Variants in HMGCLL1 observed in about 807,000 individuals in gnomAD.
HMGCLL1 encodes the protein 3-hydroxy-3-methylglutaryl-CoA lyase like 1, also known as 3-hydroxymethyl-3-methylglutaryl-CoA lyase, cytoplasmic.
A neutral mutation model predicts 39.1 loss-of-function variants in HMGCLL1; 36 were observed. That is an observed-to-expected ratio of 0.92 (90% confidence interval 0.71 to 1.22). The LOEUF (loss-of-function observed/expected upper bound fraction) is 1.22. Ranked by LOEUF, HMGCLL1 falls within the 50% of genes most tolerant of loss-of-function variation. The pLI, the probability that HMGCLL1 is intolerant of heterozygous loss-of-function variation, is 0.00. For missense variants in HMGCLL1, 451 were observed against 416.5 expected (o/e 1.08, Z -0.72); for synonymous variants, 149 against 144.0 (o/e 1.03, Z -0.25).
chr6:55,493,762 T>C (rs1282908357), intron 7 of HMGCLL1, among the ~76,000 whole-genome samples: 1 of 151,864 alleles, frequency 6.6e-6, no homozygotes, highest in Admixed American at 6.6e-5. Context: ...AGAAGGAGTC[T>C]TGCTCTGTCG....
the HMGCLL1 span, among the ~76,000 whole-genome samples, chr6:55,612,981 A>T: frequency 2.0e-5 from 3 of 152,254 alleles, no homozygotes; most frequent in Non-Finnish European, 4.4e-5. Flanking sequence ...GCTTCTGCAC[A>T]GCAAAAGAAA....
chr6:55,493,889 C>A (rs1210891201), intron 7 of HMGCLL1, among the ~76,000 whole-genome samples: 2 of 151,976 alleles, frequency 1.3e-5, no homozygotes, highest in Non-Finnish European at 2.9e-5. Flanking sequence ...CCCACCACCA[C>A]GCCTGGCTAA....
chr6:55,517,128 T>C (rs1297792470), intron 3 of HMGCLL1, among the ~76,000 whole-genome samples: 2 of 152,138 alleles, frequency 1.3e-5, no homozygotes, highest in African/African-American at 2.4e-5. Context: ...GTAATAGTTA[T>C]AAAGCTTTAT....
intron 1 of HMGCLL1, among the ~76,000 whole-genome samples, chr6:55,554,482 C>A (rs1440744517): frequency 2.6e-5 from 4 of 152,092 alleles, no homozygotes; most frequent in African/African-American, 9.7e-5. Flanking sequence ...TTCCTTTAAG[C>A]AACCCAGTTA....
chr6:55,522,216 AC>A (rs1768077927), intron 3 of HMGCLL1, among the ~76,000 whole-genome samples: 1 of 151,968 alleles, frequency 6.6e-6, no homozygotes, highest in Non-Finnish European at 1.5e-5. Flanking sequence ...TAAAAGAAAA[AC>A]ATTTAATAAC....
intron 3 of HMGCLL1, among the ~76,000 whole-genome samples, chr6:55,529,723 T>A (rs1768533277): frequency 2.0e-5 from 3 of 152,186 alleles, no homozygotes; most frequent in African/African-American, 7.2e-5. Flanking sequence ...TTTGTATGAG[T>A]TTGATTTTTT....
At chr6:55,602,056 G>T in the HMGCLL1 span, among the ~76,000 whole-genome samples, 2 of 150,504 alleles carry the variant, frequency 1.3e-5, no homozygotes, top group East Asian at 3.9e-4. Flanking sequence ...AAAATGCCCC[G>T]TTATCTCTCA....
At chr6:55,660,240 A>T in the HMGCLL1 span, among the ~76,000 whole-genome samples, 1 of 151,742 alleles carries the variant, frequency 6.6e-6, no homozygotes, top group Non-Finnish European at 1.5e-5. Context: ...TTTTACTTTC[A>T]TGGGTACATA....
chr6:55,491,803 G>A (rs899349540), intron 7 of HMGCLL1, among the ~76,000 whole-genome samples: 1 of 151,550 alleles, frequency 6.6e-6, no homozygotes, highest in Non-Finnish European at 1.5e-5. Flanking sequence ...TGGTTTTGAG[G>A]GATTATAAAT....
the HMGCLL1 span, among the ~76,000 whole-genome samples, chr6:55,602,386 A>G: frequency 6.6e-6 from 1 of 152,086 alleles, no homozygotes; most frequent in Admixed American, 6.6e-5. Flanking sequence ...TTTCCTTTAA[A>G]TCATGATCTT....
At position 55,435,614 on chromosome 6, in the gene HMGCLL1, T is replaced by C; in HGVS notation, c.*48A>G. ...GCATTAATGATTTTCAGATGAGTAT[T>C]GTAGCTGAAATTGATCTTCTCAACG... On this transcript the variant is annotated 3_prime_UTR_variant, in exon 9 of 9. Coordinates refer to ENST00000274901, the MANE Select transcript of HMGCLL1 (RefSeq NM_001042406.2). The C allele has an allele frequency of 9.5e-7, 1 of 1,051,330 alleles. No homozygotes were observed. The highest frequency in any genetic ancestry group is 1.4e-6 in the Non-Finnish European group (1 of 700,002). 65.1% of individuals were successfully genotyped at this position (1,051,330 alleles called of 1,614,324 possible). A position where few individuals can be genotyped will look rare whatever the true frequency, so the allele number is the denominator to read the frequency against.
intron 1 of HMGCLL1, among the ~76,000 whole-genome samples, chr6:55,547,021 T>C (rs183625948): frequency 1.3e-5 from 2 of 152,152 alleles, no homozygotes; most frequent in African/African-American, 4.8e-5. Context: ...AAAGAACTTT[T>C]CTATCTGCGT....
chr6:55,438,748 A>G (rs1234615115), intron 8 of HMGCLL1, among the ~76,000 whole-genome samples: 1 of 152,088 alleles, frequency 6.6e-6, no homozygotes, highest in African/African-American at 2.4e-5. Flanking sequence ...TCATTTTACA[A>G]TACAGATGAT....
At chr6:55,622,253 G>A in the HMGCLL1 span, among the ~76,000 whole-genome samples, 2 of 151,918 alleles carry the variant, frequency 1.3e-5, no homozygotes, top group Non-Finnish European at 2.9e-5. Context: ...CAATTTGGAT[G>A]CCCTTTATTT....
intron 7 of HMGCLL1, among the ~76,000 whole-genome samples, chr6:55,492,462 C>A (rs1179602489): frequency 6.6e-6 from 1 of 152,196 alleles, no homozygotes; most frequent in Non-Finnish European, 1.5e-5. Context: ...CAGTGACATT[C>A]CAGTACCACA....
upstream of HMGCLL1, among the ~76,000 whole-genome samples, chr6:55,579,920 C>G (rs1172462889): frequency 3.9e-5 from 6 of 152,196 alleles, no homozygotes; most frequent in Admixed American, 2.6e-4. Context: ...CCTTCCCCCC[C>G]TCACTTTCAC....
the HMGCLL1 span, among the ~76,000 whole-genome samples, chr6:55,676,526 C>T: frequency 0.033 from 5,063 of 152,186 alleles, 131 homozygotes; most frequent in Non-Finnish European, 0.054. Flanking sequence ...CTTTTCCTCA[C>T]CCCTTCTCCA....
intron 1 of HMGCLL1, among the ~76,000 whole-genome samples, chr6:55,543,692 AAAAAAAAC>A (rs1769784223): frequency 6.7e-6 from 1 of 148,658 alleles, no homozygotes; most frequent in Non-Finnish European, 1.5e-5. Context: ...CATCTCTCTT[AAAAAAAAC>A]AAAAAATCAA....
chr6:55,602,257 C>G, the HMGCLL1 span, among the ~76,000 whole-genome samples: 1 of 151,960 alleles, frequency 6.6e-6, no homozygotes, highest in Non-Finnish European at 1.5e-5. Flanking sequence ...AGCTTGAAGA[C>G]TTTTTTTGTT....
Sources: allele counts gnomAD v4.1 joint callset (sites outside exome capture counted in the v4.1 genomes callset), GRCh38; gene constraint gnomAD v4.1.1; transcripts MANE v1.5; gene names NCBI Gene and HGNC (gene_info 2026-07-23, HGNC 2026-07-21).